CCDC154: variants seen among roughly 807,000 people sequenced by gnomAD.
CCDC154 encodes coiled-coil domain containing 154.
Under a neutral mutation model 87.5 loss-of-function variants are expected in CCDC154, and 91 were observed. That is an observed-to-expected ratio of 1.04 (90% CI 0.88 to 1.24). CCDC154 has a LOEUF of 1.24. CCDC154 is among the 50% of genes most tolerant of loss of function. CCDC154 has a pLI of 0.00. For missense variants in CCDC154, 903 were observed against 879.2 expected (o/e 1.03, Z -0.34); for synonymous variants, 418 against 400.4 (o/e 1.04, Z -0.52).
intron 14 of CCDC154, 114 bp downstream of exon 14, chr16:1,435,855 G>T: frequency 3.3e-6 from 3 of 899,748 alleles, no homozygotes; most frequent in Non-Finnish European, 5.1e-6. Flanking sequence ...AGCGTCTCCT[G>T]CTGGCTGGAA....
intron 6 of CCDC154, among the ~76,000 whole-genome samples, chr16:1,440,807 C>T (rs949407817): frequency 2.0e-5 from 3 of 151,316 alleles, no homozygotes; most frequent in Admixed American, 1.3e-4. Flanking sequence ...AAAAATTAGC[C>T]GGGCGTGGTG....
rs1376423340 is a variant in CCDC154, at chr16:1,438,642, G to C, written c.1002C>G (p.Val334=). The change falls in exon 9 of 17, where the codon GTC becomes GTG. Residue 334 remains valine (V), a synonymous_variant. Coordinates refer to ENST00000389176, the MANE Select transcript of CCDC154 (RefSeq NM_001143980.3). ...VQQNQASLNR[V]LLAEEKAWDA... ...ACCAGGCTTTCTCCTCGGCCAGTAG[G>C]ACACGGTTCAGCGACGCCTGGTTCT... The C allele has an allele frequency of 1.3e-6, 2 of 1,550,104 alleles. No individual in the cohort carries two copies. Among genetic ancestry groups the C allele is most frequent in the East Asian group, 2.4e-5 (1 of 40,902 alleles).
chr16:1,442,483 C>T lies in CCDC154; in HGVS notation c.598G>A (p.Glu200Lys), dbSNP rs2038560795. ...DLLQQEEQGR[E>K]VACGALQKNQ... is the part of the protein sequence containing the mutation. Reference sequence around the variant, plus strand: ...TTCTGCAGGGCGCCGCAGGCCACCTCCCGGCCCTGCTCCTCCTGCTGCAGC... The same window carrying T: ...TTCTGCAGGGCGCCGCAGGCCACCTTCCGGCCCTGCTCCTCCTGCTGCAGC... Residue 200 changes from glutamate (E) to lysine (K), a missense_variant, in exon 6 of 17, where the codon GAG becomes AAG. Transcript: ENST00000389176. The T allele has an allele frequency of 6.5e-7, 1 of 1,550,056 alleles. No individual in the cohort carries two copies. Among genetic ancestry groups the T allele is most frequent in the Non-Finnish European group, 8.7e-7 (1 of 1,146,768 alleles).
At chr16:1,438,972 G>C in intron 7 of CCDC154, 29 bp from the exon 8 acceptor site, 2 of 1,549,334 alleles carry the variant, frequency 1.3e-6, no homozygotes, top group Non-Finnish European at 1.7e-6. Flanking sequence ...GTCAGCTGCA[G>C]GTCTGCGTCT....
chr16:1,440,434 A>C (rs903985914), intron 6 of CCDC154, among the ~76,000 whole-genome samples: 1 of 151,934 alleles, frequency 6.6e-6, no homozygotes, highest in African/African-American at 2.4e-5. Context: ...TGGGCAACAG[A>C]GCGAGACTCC....
Position 1,443,501 on chromosome 16 carries a change from C to A in CCDC154, c.414+5G>T. 6.9e-7 allele frequency: 1 copy of A among 1,459,718 alleles called. No individual in the cohort carries two copies. The highest frequency in any genetic ancestry group is 9.0e-7 in the Non-Finnish European group (1 of 1,115,246). The allele number at this position is 1,459,718 out of a possible 1,614,324, so 90.4% of individuals were successfully genotyped here. On this transcript the variant is annotated splice_donor_5th_base_variant and intron_variant, in intron 3 of 16. Coordinates refer to ENST00000389176, the MANE Select transcript of CCDC154 (RefSeq NM_001143980.3). ...GCTCGACCTGTGGGTGGGGGAGCCGCTCACCTCCGGCGCCTCCTTTTCGGG... is the reference window on the plus strand; with the variant it reads ...GCTCGACCTGTGGGTGGGGGAGCCGATCACCTCCGGCGCCTCCTTTTCGGG...
At position 1,436,442 on chromosome 16, in the gene CCDC154, T is replaced by C; in HGVS notation, c.1487+3A>G. On this transcript the variant is annotated splice_donor_region_variant and intron_variant, in intron 13 of 16. Coordinates refer to ENST00000389176, the MANE Select transcript of CCDC154 (RefSeq NM_001143980.3). ...CCCCTCTCCCAGGGCCTGGAGGCTG[T>C]ACCTGGCCTTGCCTTCGGCGGAAAT... 1.3e-6 allele frequency: 2 copies of C among 1,547,696 alleles called. No individual in the cohort carries two copies. Among genetic ancestry groups the C allele is most frequent in the Admixed American group, 3.9e-5 (2 of 51,008 alleles).
chr16:1,439,370 A>G, intron 6 of CCDC154: 4 of 555,524 alleles, frequency 7.2e-6, no homozygotes, highest in Non-Finnish European at 9.6e-6. Flanking sequence ...GGTGGGGTCC[A>G]GACACACTTG....
rs897055138 is a variant in CCDC154 at position 1,438,163 on chromosome 16, G to A, written c.1039C>T (p.Arg347Cys). The A allele has an allele frequency of 9.1e-6, 14 of 1,543,024 alleles. No individual in the cohort carries two copies. Among genetic ancestry groups the A allele is most frequent in the South Asian group, 6.0e-5 (5 of 83,322 alleles). The change falls in exon 10 of 17, where the codon CGC (arginine) becomes TGC (cysteine). Residue 347 changes from arginine (R) to cysteine (C), a missense_variant. Physicochemically the swap from Arg to Cys is radical, Grantham distance 180. Transcript: ENST00000389176. ...AEEKAWDAKG[R>C]LEESRAGELA... Reference sequence around the variant, plus strand: ...TCCCCAGCCCGGCTTTCCTCCAAGCGCCCCTTGGCGTCCCTAGGGGTTGGG... The same window carrying A: ...TCCCCAGCCCGGCTTTCCTCCAAGCACCCCTTGGCGTCCCTAGGGGTTGGG...
At chr16:1,439,958 G>T (rs930279254) in intron 6 of CCDC154, among the ~76,000 whole-genome samples, 3 of 151,812 alleles carry the variant, frequency 2.0e-5, no homozygotes, top group African/African-American at 7.3e-5. Flanking sequence ...AGACCAGCCT[G>T]GCCAACATGG....
chr16:1,442,635 CT>C, intron 5 of CCDC154, 106 bp from the exon 6 acceptor site: 1 of 1,296,774 alleles, frequency 7.7e-7, no homozygotes. Flanking sequence ...CCCCCGCCCC[CT>C]GCCCCACCAG....
intron 12 of CCDC154, 65 bp downstream of exon 12, chr16:1,436,627 G>C: frequency 6.5e-7 from 1 of 1,546,490 alleles, no homozygotes; most frequent in Non-Finnish European, 8.7e-7. Flanking sequence ...ACAAGGTGCA[G>C]GGAGAAGGGT....
chr16:1,438,786 C>G (rs1207591630), intron 8 of CCDC154, 29 bp downstream of exon 8: 1 of 1,541,990 alleles, frequency 6.5e-7, no homozygotes, highest in Non-Finnish European at 8.7e-7. Flanking sequence ...GGCCCCGGCC[C>G]CACCTGCCCG....
At chr16:1,436,375 G>T in intron 13 of CCDC154, 70 bp downstream of exon 13, 1 of 1,292,872 alleles carries the variant, frequency 7.7e-7, no homozygotes, top group Non-Finnish European at 1.1e-6. Context: ...GGAGAGTAGC[G>T]TGGGGACCGG....
rs925487014 is a variant in CCDC154, at chr16:1,438,259, G to C, written c.1026-83C>G. The C allele has an allele frequency of 2.1e-6, 3 of 1,422,644 alleles. No homozygotes were observed. In the African/African-American group the frequency reaches 4.3e-5, roughly 21 times the overall value. The allele number at this position is 1,422,644 out of a possible 1,614,324, so 88.1% of individuals were successfully genotyped here. A position where few individuals can be genotyped will look rare whatever the true frequency, so the allele number is the denominator to read the frequency against. ...GGCCAGGGAGGGGAGCTTGGCTGCT[G>C]GCTCCAGAACCTCCCAGGAGACCCT... On this transcript the variant is annotated intron_variant, in intron 9 of 16. Transcript: ENST00000389176.
chr16:1,439,698 C>G (rs544313174), intron 6 of CCDC154, among the ~76,000 whole-genome samples: 11 of 152,220 alleles, frequency 7.2e-5, no homozygotes, highest in Non-Finnish European at 1.5e-4. Flanking sequence ...TCCTGCCCCC[C>G]AGGAGGTCAC....
rs544900914 is a variant in CCDC154 at position 1,437,039 on chromosome 16, C to T, written c.1291-228G>A. ...AGCCGAGGGCCCGTGGGGGCTGTTC[C>T]GACCACACAGGTGCCCGAGGGAGGC... On this transcript the variant is annotated intron_variant, in intron 11 of 16. Transcript: ENST00000389176. 313 of 592,742 alleles carry T rather than the reference C, an allele frequency of 5.3e-4. 8 individuals are homozygous for T. In the South Asian group the frequency reaches 6.6e-3, roughly 13 times the overall value. The allele number at this position is 592,742 out of a possible 1,614,324, so 36.7% of individuals were successfully genotyped here.
At position 1,443,313 on chromosome 16, in the gene CCDC154, A is replaced by G. The variant is rs900862034; in HGVS notation, c.415-12T>C. The G allele has an allele frequency of 9.7e-6, 15 of 1,547,480 alleles. No individual in the cohort carries two copies. In the African/African-American group the frequency reaches 1.8e-4, roughly 18 times the overall value. On this transcript the variant is annotated splice_polypyrimidine_tract_variant and intron_variant, in intron 3 of 16. Transcript: ENST00000389176. The stretch of plus-strand genomic sequence containing the variant: ...TGGAGACCAGAGAACTGCGAGGAGG[A>G]AGAGGAGGCTGTGGGCTGGACCTAG...
At chr16:1,443,416 C>A in intron 3 of CCDC154, 90 bp downstream of exon 3, 1 of 1,441,472 alleles carries the variant, frequency 6.9e-7, no homozygotes, top group South Asian at 1.4e-5. Context: ...GCCTGGGCAG[C>A]AGGGGTGAGC....
Sources: allele counts gnomAD v4.1 joint callset (sites outside exome capture counted in the v4.1 genomes callset), GRCh38; gene constraint gnomAD v4.1.1; transcripts MANE v1.5; gene names NCBI Gene and HGNC (gene_info 2026-07-23, HGNC 2026-07-21).